Variants in BPIFB3 observed in about 807,000 individuals in gnomAD.
BPIFB3 encodes BPI fold-containing family B member 3.
BPIFB3 carries 49 observed loss-of-function variants against 53.1 expected under a neutral mutation model. The observed-to-expected ratio is 0.92, with a 90% confidence interval of 0.73 to 1.17. The LOEUF is 1.17. Ranked by LOEUF, BPIFB3 falls within the 50% of genes most tolerant of loss-of-function variation. The probability of loss-of-function intolerance (pLI) is 0.00; values close to 1 mark genes in which losing one functional copy is unlikely to be tolerated. For synonymous variants in BPIFB3, 271 were observed against 269.6 expected (o/e 1.01, Z -0.05); for missense variants, 628 against 592.5 (o/e 1.06, Z -0.62).
chr20:33,058,159 A>G (rs994576399), intron 2 of BPIFB3, among the ~76,000 whole-genome samples: 2 of 152,208 alleles, frequency 1.3e-5, no homozygotes, highest in African/African-American at 2.4e-5. Flanking sequence ...AGGTCAAACA[A>G]CAGGGCCCAG....
At chr20:33,064,190 G>C (rs1600540730) in intron 6 of BPIFB3, among the ~76,000 whole-genome samples, 1 of 152,202 alleles carries the variant, frequency 6.6e-6, no homozygotes, top group South Asian at 2.1e-4. Context: ...TTATGTAAGA[G>C]AGGCAGGGTA....
chr20:33,055,062 G>A (rs1980134062), upstream of BPIFB3, among the ~76,000 whole-genome samples: 1 of 152,236 alleles, frequency 6.6e-6, no homozygotes, highest in Non-Finnish European at 1.5e-5. Context: ...CTGGGCCTCT[G>A]AGGATGAAGA....
At chr20:33,064,356 A>T in intron 6 of BPIFB3, 101 bp from the exon 8 acceptor site, 1 of 920,304 alleles carries the variant, frequency 1.1e-6, no homozygotes. Flanking sequence ...TGCTTAGTAG[A>T]GTGCTAGGCA....
At chr20:33,054,282 C>G (rs1184039119), upstream of BPIFB3, among the ~76,000 whole-genome samples, 1 of 152,044 alleles carries the variant, frequency 6.6e-6, no homozygotes, top group Non-Finnish European at 1.5e-5. Context: ...TCCCCTGCCC[C>G]CTCAGCAGGG....
intron 1 of BPIFB3, 61 bp from the exon 3 acceptor site, chr20:33,056,481 C>G: frequency 6.3e-7 from 1 of 1,587,284 alleles, no homozygotes; most frequent in Non-Finnish European, 8.6e-7. Context: ...GAGGCAGCTG[C>G]CATGGTCCTG....
intron 1 of BPIFB3, among the ~76,000 whole-genome samples, chr20:33,055,830 G>A (rs1980179616): frequency 6.6e-6 from 1 of 152,184 alleles, no homozygotes; most frequent in Non-Finnish European, 1.5e-5. Context: ...AGGTTGAAGA[G>A]GTCGAGGGGA....
At chr20:33,060,765 AT>A (rs1980421875) in intron 4 of BPIFB3, among the ~76,000 whole-genome samples, 1 of 152,062 alleles carries the variant, frequency 6.6e-6, no homozygotes, top group Non-Finnish European at 1.5e-5. Context: ...GGGTTTCACC[AT>A]GTTGGCCAGG....
intron 7 of BPIFB3, 30 bp from the exon 9 acceptor site, chr20:33,064,636 C>T (rs1228884699): frequency 1.2e-6 from 2 of 1,612,706 alleles, no homozygotes; most frequent in African/African-American, 2.7e-5. Flanking sequence ...ACCTTAAGAC[C>T]CTCCTCGGCC....
intron 5 of BPIFB3, 151 bp downstream of exon 6, chr20:33,061,982 C>G (rs1980479837): frequency 1.1e-6 from 1 of 891,724 alleles, no homozygotes; most frequent in East Asian, 2.7e-5. Flanking sequence ...TGCTGACCGG[C>G]CTTCCTGGCG....
exon 1 of BPIFB3, chr20:33,055,431 C>T: frequency 6.2e-7 from 1 of 1,613,502 alleles, no homozygotes; most frequent in East Asian, 2.2e-5. Context: ...GGCATGCAGC[C>T]AGTCATGCTG....
intron 5 of BPIFB3, among the ~76,000 whole-genome samples, chr20:33,062,641 T>C (rs1256116533): frequency 6.6e-6 from 1 of 152,248 alleles, no homozygotes; most frequent in Non-Finnish European, 1.5e-5. Context: ...TTTTGTGTGA[T>C]ACAAAGAGGT....
intron 4 of BPIFB3, 71 bp from the exon 6 acceptor site, chr20:33,061,697 C>T (rs1006727283): frequency 4.2e-5 from 62 of 1,484,680 alleles, no homozygotes; most frequent in South Asian, 5.8e-5. Flanking sequence ...CCCTAGTGTC[C>T]GCCCGACCCT....
Position 33,072,011 on chromosome 20 carries a change from C to A in BPIFB3, c.1261-93C>A, listed in dbSNP as rs181279374. The A allele has an allele frequency of 2.3e-4, 310 of 1,323,866 alleles. 2 individuals carry two copies. In the South Asian group the frequency reaches 3.4e-3, roughly 15 times the overall value. 82.0% of individuals were successfully genotyped at this position (1,323,866 alleles called of 1,614,324 possible). ...CTTGGGGGAGGCTGAGGCAGCTGGG[C>A]CCCTGGGTTTCTCTCCCTGGGAACG... On this transcript the variant is annotated intron_variant, in intron 12 of 14. Transcript: ENST00000375494.
At chr20:33,066,727 T>G (rs1600542430) in intron 8 of BPIFB3, 97 bp from the exon 10 acceptor site, 11 of 1,146,868 alleles carry the variant, frequency 9.6e-6, no homozygotes, top group South Asian at 3.8e-5. Flanking sequence ...ATTGGCAGGG[T>G]AGGGGGAAGA....
chr20:33,060,293 C>T (rs554005405), intron 4 of BPIFB3, among the ~76,000 whole-genome samples: 15 of 152,244 alleles, frequency 9.9e-5, no homozygotes, highest in Admixed American at 2.0e-4. Flanking sequence ...CCTGCCGTCC[C>T]CTCTCCGCCA....
intron 2 of BPIFB3, among the ~76,000 whole-genome samples, chr20:33,056,990 T>G (rs1980236762): frequency 6.6e-6 from 1 of 152,168 alleles, no homozygotes; most frequent in African/African-American, 2.4e-5. Flanking sequence ...GGTTCCCTTT[T>G]TCACCTCCTC....
chr20:33,057,146 C>A (rs1206518562), intron 2 of BPIFB3, among the ~76,000 whole-genome samples: 1 of 152,108 alleles, frequency 6.6e-6, no homozygotes, highest in Non-Finnish European at 1.5e-5. Flanking sequence ...CTGTTGTGTC[C>A]CCGGGATCAT....
At chr20:33,059,730 G>GCTC in intron 3 of BPIFB3, among the ~76,000 whole-genome samples, 161 bp from the exon 5 acceptor site, 1 of 152,274 alleles carries the variant, frequency 6.6e-6, no homozygotes, top group Non-Finnish European at 1.5e-5. Flanking sequence ...GCTCACCTGA[G>GCTC]AGGGTCAGGG....
chr20:33,067,096 C>T (rs145623298), intron 9 of BPIFB3, among the ~76,000 whole-genome samples: 163 of 152,358 alleles, frequency 1.1e-3, no homozygotes, highest in African/African-American at 3.8e-3. Flanking sequence ...CAGAAATCAA[C>T]TGGGCATTTA....
Sources: allele counts gnomAD v4.1 joint callset (sites outside exome capture counted in the v4.1 genomes callset), GRCh38; gene constraint gnomAD v4.1.1; transcripts MANE v1.5; gene names NCBI Gene and HGNC (gene_info 2026-07-23, HGNC 2026-07-21).